The following CTDSPL2 variants were observed in gnomAD, a reference collection of about 807,000 sequenced individuals.
The protein encoded by CTDSPL2 is CTD small phosphatase like 2.
CTDSPL2 carries 5 observed loss-of-function variants against 60.0 expected under a neutral mutation model. That is an observed-to-expected ratio of 0.08 (90% CI 0.04 to 0.18). The LOEUF is 0.18. Among genes scored for constraint, CTDSPL2 ranks in the 10% least tolerant of loss-of-function variants. CTDSPL2 has a pLI of 1.00. For missense variants in CTDSPL2, 370 were observed against 548.8 expected, an observed-to-expected ratio of 0.67 and a Z score of 3.26; for synonymous variants, 186 against 189.3, an observed-to-expected ratio of 0.98 and a Z score of 0.14.
intron 7 of CTDSPL2, among the ~76,000 whole-genome samples, chr15:44,498,678 T>TA (rs535130394): frequency 0.017 from 2,600 of 152,162 alleles, 37 homozygotes; most frequent in Middle Eastern, 0.037. Flanking sequence ...GGCGGGCAGA[T>TA]ACTTGAGTCC....
At chr15:44,433,329 A>T (rs2079900571) in intron 1 of CTDSPL2, among the ~76,000 whole-genome samples, 1 of 145,616 alleles carries the variant, frequency 6.9e-6, no homozygotes, top group African/African-American at 2.6e-5. Flanking sequence ...CCTGTCTCAA[A>T]GAAAAAAAAA....
chr15:44,493,312 C>T (rs2081247213), intron 5 of CTDSPL2, among the ~76,000 whole-genome samples: 2 of 152,106 alleles, frequency 1.3e-5, no homozygotes, highest in Non-Finnish European at 2.9e-5. Context: ...TTTTCCTTAA[C>T]TTTGAGAACA....
chr15:44,441,090 C>G lies in CTDSPL2; in HGVS notation c.-25+13318C>G, dbSNP rs867930514. On this transcript the variant is annotated intron_variant, in intron 1 of 12. Transcript: ENST00000260327. ...CTCTAGGCCAGACTGCAATTTTTAT[C>G]TTTGTCGGTGTTATCTGGAAAAGAG... is the stretch of plus-strand genomic sequence containing the variant. Among the ~76,000 whole-genome samples, 9 of 152,270 alleles carry G rather than the reference C, an allele frequency of 5.9e-5. No homozygotes were observed. In the Middle Eastern group the frequency reaches 0.01, roughly 173 times the overall value.
chr15:44,498,201 T>C (rs1190645213), intron 7 of CTDSPL2, among the ~76,000 whole-genome samples: 1 of 152,232 alleles, frequency 6.6e-6, no homozygotes, highest in Non-Finnish European at 1.5e-5. Context: ...TTTCTTGATA[T>C]TAGTAAAAAT....
At chr15:44,460,971 C>CT (rs35218419) in intron 2 of CTDSPL2, among the ~76,000 whole-genome samples, 15,125 of 152,132 alleles carry the variant, frequency 0.099, 1,557 homozygotes, top group African/African-American at 0.24. Flanking sequence ...GCGTCCTCAT[C>CT]TTTTGCTTTC....
chr15:44,477,604 A>G (rs1260960422), intron 2 of CTDSPL2, among the ~76,000 whole-genome samples: 3 of 152,154 alleles, frequency 2.0e-5, no homozygotes, highest in Non-Finnish European at 4.4e-5. Flanking sequence ...TGGGAGGCCA[A>G]GGTGGGCAGA....
At chr15:44,514,705 A>G in intron 9 of CTDSPL2, 45 bp downstream of exon 9, 1 of 1,520,840 alleles carries the variant, frequency 6.6e-7, no homozygotes, top group African/African-American at 1.4e-5. Context: ...TATTTTATTC[A>G]ATATAGTACC....
At chr15:44,441,535 C>T (rs1253576551) in intron 1 of CTDSPL2, among the ~76,000 whole-genome samples, 1 of 152,168 alleles carries the variant, frequency 6.6e-6, no homozygotes, top group African/African-American at 2.4e-5. Context: ...CACACTTTGC[C>T]TTCAGCAGTT....
intron 1 of CTDSPL2, among the ~76,000 whole-genome samples, chr15:44,434,688 C>G (rs2079937118): frequency 6.6e-6 from 1 of 151,888 alleles, no homozygotes; most frequent in Non-Finnish European, 1.5e-5. Context: ...GAGTGAGTCA[C>G]TGTGCCCGGC....
chr15:44,428,299 A>G (rs944728167), intron 1 of CTDSPL2, among the ~76,000 whole-genome samples: 1 of 152,162 alleles, frequency 6.6e-6, no homozygotes, highest in African/African-American at 2.4e-5. Flanking sequence ...TGACATTGTT[A>G]CTTTTTCAAA....
At chr15:44,502,319 C>G (rs890603138) in intron 8 of CTDSPL2, among the ~76,000 whole-genome samples, 1 of 151,858 alleles carries the variant, frequency 6.6e-6, no homozygotes, top group Non-Finnish European at 1.5e-5. Context: ...GGAGTGTCCT[C>G]TTGGGACTTA....
At chr15:44,442,320 G>A (rs920240419) in intron 1 of CTDSPL2, among the ~76,000 whole-genome samples, 6 of 151,944 alleles carry the variant, frequency 3.9e-5, no homozygotes, top group African/African-American at 1.2e-4. Flanking sequence ...GGTGGTGCAC[G>A]CCTGTAATCC....
chr15:44,455,429 T>C (rs935687076), intron 1 of CTDSPL2, among the ~76,000 whole-genome samples: 1 of 152,216 alleles, frequency 6.6e-6, no homozygotes, highest in African/African-American at 2.4e-5. Context: ...TCCTGCCTTA[T>C]TGCCCTGTCC....
chr15:44,519,522 C>T (rs1424833048), intron 11 of CTDSPL2: 1 of 370,354 alleles, frequency 2.7e-6, no homozygotes, highest in East Asian at 5.6e-5. Flanking sequence ...AGTAAGAAAA[C>T]TATAAGATAA....
intron 8 of CTDSPL2, among the ~76,000 whole-genome samples, chr15:44,504,747 A>G (rs1325716693): frequency 1.3e-5 from 2 of 151,850 alleles, no homozygotes; most frequent in Non-Finnish European, 1.5e-5. Context: ...GGGAGCACCT[A>G]TAGTCCCAGC....
chr15:44,472,065 A>T (rs1023402205), intron 2 of CTDSPL2, among the ~76,000 whole-genome samples: 3 of 151,816 alleles, frequency 2.0e-5, no homozygotes, highest in African/African-American at 7.2e-5. Flanking sequence ...ATTCTGTTGT[A>T]TGGATATACC....
intron 7 of CTDSPL2, among the ~76,000 whole-genome samples, chr15:44,497,733 G>A (rs1024649234): frequency 6.6e-6 from 1 of 152,146 alleles, no homozygotes; most frequent in Non-Finnish European, 1.5e-5. Context: ...GGTAGCTCAT[G>A]CCTGTAATCC....
rs1424638045 is a variant in CTDSPL2, at chr15:44,528,171, C to G, written c.*3997C>G. ...GGTGGGGCGGCGGGGGAGAGAGCGA[C>G]AAGTTTATACTAGTTTATGCTTTTG... On this transcript the variant is annotated 3_prime_UTR_variant, in exon 13 of 13. Coordinates refer to ENST00000260327, the MANE Select transcript of CTDSPL2 (RefSeq NM_016396.3). 3 of 152,024 alleles carry G rather than the reference C, an allele frequency of 2.0e-5. No homozygotes were observed. The highest frequency in any genetic ancestry group is 4.4e-5 in the Non-Finnish European group (3 of 68,002). The allele number at this position is 152,024 out of a possible 1,614,324, so 9.4% of individuals were successfully genotyped here.
intron 1 of CTDSPL2, among the ~76,000 whole-genome samples, chr15:44,456,582 GTGA>G (rs1230822610): frequency 6.6e-6 from 1 of 152,178 alleles, no homozygotes; most frequent in Non-Finnish European, 1.5e-5. Context: ...TGTGGAATCA[GTGA>G]TGATATCCCC....
Sources: gnomAD v4.1 joint callset for allele counts (sites outside exome capture counted in the v4.1 genomes callset) on GRCh38, gnomAD v4.1.1 for gene constraint, MANE v1.5 for transcripts, NCBI Gene and HGNC (gene_info 2026-07-23, HGNC 2026-07-21) for gene names.